The following RBFOX1 variants were observed in gnomAD, a reference collection of about 807,000 sequenced individuals.
RBFOX1 encodes the protein RNA binding protein fox-1 homolog 1.
Under a neutral mutation model 57.7 loss-of-function variants are expected in RBFOX1, and 8 were observed. That is an observed-to-expected ratio of 0.14 (90% CI 0.08 to 0.25). The LOEUF (loss-of-function observed/expected upper bound fraction) is 0.25, where lower values mean the gene tolerates loss of function less well. RBFOX1 is among the 10% of genes least tolerant of loss of function. The pLI, the probability that RBFOX1 is intolerant of heterozygous loss-of-function variation, is 1.00. For missense variants in RBFOX1, 611 were observed against 548.5 expected, an observed-to-expected ratio of 1.11 and a Z score of -1.14; for synonymous variants, 326 against 222.4, an observed-to-expected ratio of 1.47 and a Z score of -4.15.
intron 4 of RBFOX1, among the ~76,000 whole-genome samples, chr16:7,429,240 C>A (rs2098654922): frequency 6.6e-6 from 1 of 152,224 alleles, no homozygotes; most frequent in Non-Finnish European, 1.5e-5. Flanking sequence ...CTGGTCACCC[C>A]TTCCCTGCTC....
Position 6,444,027 on chromosome 16 carries a change from T to C in RBFOX1, c.-64+126970T>C, listed in dbSNP as rs561418375. 1.4e-4 allele frequency among the ~76,000 whole-genome samples: 21 copies of C among 152,280 alleles called. No homozygotes were observed. The South Asian group carries it at 3.5e-3, about 26-fold the overall frequency. ...ATATATATGTGTATATGAACAGATA[T>C]TGTATAATGTAGTGGCCCTAAGCAC... On this transcript the variant is annotated intron_variant, in intron 2 of 15. Transcript: ENST00000550418.
intron 4 of RBFOX1, among the ~76,000 whole-genome samples, chr16:7,208,661 C>A (rs536760217): frequency 1.3e-5 from 2 of 152,060 alleles, no homozygotes; most frequent in Admixed American, 6.5e-5. Context: ...CATAGCAAGA[C>A]CGTATCTCAA....
At chr16:6,371,885 A>T (rs1213272126) in intron 2 of RBFOX1, among the ~76,000 whole-genome samples, 2 of 152,224 alleles carry the variant, frequency 1.3e-5, no homozygotes, top group African/African-American at 4.8e-5. Flanking sequence ...ATCACTTGTT[A>T]TTACGAGTTA....
At chr16:5,387,362 A>G (rs1348292089) in intron 1 of RBFOX1, among the ~76,000 whole-genome samples, 1 of 152,226 alleles carries the variant, frequency 6.6e-6, no homozygotes, top group Non-Finnish European at 1.5e-5. Context: ...AAATAAGTCC[A>G]GGAGAGGCCC....
intron 4 of RBFOX1, among the ~76,000 whole-genome samples, chr16:7,053,342 C>T (rs1489057430): frequency 3.3e-5 from 5 of 152,186 alleles, no homozygotes; most frequent in African/African-American, 4.8e-5. Context: ...TGACCCTTTC[C>T]TTCATGGAAC....
intron 4 of RBFOX1, among the ~76,000 whole-genome samples, chr16:6,011,680 A>G (rs1367129106): frequency 1.3e-5 from 2 of 152,152 alleles, no homozygotes; most frequent in Admixed American, 1.3e-4. Flanking sequence ...TGCTGCTCCA[A>G]GCAGCAGCAG....
At chr16:7,254,738 T>G (rs974226306) in intron 4 of RBFOX1, among the ~76,000 whole-genome samples, 2 of 152,124 alleles carry the variant, frequency 1.3e-5, no homozygotes, top group Admixed American at 1.3e-4. Context: ...AAAACTAAAT[T>G]ATAGGCATTA....
chr16:7,203,045 C>T (rs537921768), intron 4 of RBFOX1, among the ~76,000 whole-genome samples: 2 of 152,178 alleles, frequency 1.3e-5, no homozygotes, highest in African/African-American at 4.8e-5. Context: ...CTCGGCCTCC[C>T]AAAGTGCTGG....
At chr16:6,117,421 G>A (rs577745419) in intron 1 of RBFOX1, among the ~76,000 whole-genome samples, 1 of 152,212 alleles carries the variant, frequency 6.6e-6, no homozygotes, top group Non-Finnish European at 1.5e-5. Flanking sequence ...CACCTTTCAT[G>A]GTTTGAATGG....
intron 3 of RBFOX1, among the ~76,000 whole-genome samples, chr16:6,683,763 G>C (rs529848421): frequency 6.6e-6 from 1 of 152,166 alleles, no homozygotes; most frequent in African/African-American, 2.4e-5. Context: ...CAGAGATGGA[G>C]CTTTGCGGTC....
At chr16:6,763,789 C>T (rs958754616) in intron 3 of RBFOX1, among the ~76,000 whole-genome samples, 2 of 152,224 alleles carry the variant, frequency 1.3e-5, no homozygotes, top group African/African-American at 4.8e-5. Flanking sequence ...TAAATGTGTT[C>T]ACACTGAAAC....
intron 4 of RBFOX1, among the ~76,000 whole-genome samples, chr16:7,181,951 G>T (rs1422899955): frequency 6.6e-6 from 1 of 152,180 alleles, no homozygotes. Context: ...ATACAGGAAG[G>T]AAAAGGGTTA....
intron 1 of RBFOX1, among the ~76,000 whole-genome samples, chr16:5,441,115 T>G (rs1597079031): frequency 6.6e-6 from 1 of 152,194 alleles, no homozygotes; most frequent in Non-Finnish European, 1.5e-5. Flanking sequence ...TTTGGACTAG[T>G]CTGGCTGTGC....
chr16:6,673,444 CG>C (rs2098780422), intron 3 of RBFOX1, among the ~76,000 whole-genome samples: 1 of 152,008 alleles, frequency 6.6e-6, no homozygotes, highest in Non-Finnish European at 1.5e-5. Flanking sequence ...AAAAATTAGT[CG>C]GGCCTGGTGG....
chr16:7,487,620 T>G (rs2065767581), intron 4 of RBFOX1, among the ~76,000 whole-genome samples: 1 of 152,186 alleles, frequency 6.6e-6, no homozygotes, highest in Non-Finnish European at 1.5e-5. Flanking sequence ...TATCCACTCC[T>G]GCACCTGTTC....
At chr16:7,688,873 A>G (rs2147255205) in intron 14 of RBFOX1, among the ~76,000 whole-genome samples, 1 of 152,162 alleles carries the variant, frequency 6.6e-6, no homozygotes, top group Non-Finnish European at 1.5e-5. Context: ...CTTAGAGGAA[A>G]TGAAGATTCA....
chr16:5,787,408 T>G (rs2054541215), intron 3 of RBFOX1, among the ~76,000 whole-genome samples: 1 of 152,188 alleles, frequency 6.6e-6, no homozygotes, highest in African/African-American at 2.4e-5. Flanking sequence ...AGGACATCCA[T>G]TGTAAGCCTC....
At chr16:7,611,231 G>A (rs1195050899) in intron 10 of RBFOX1, among the ~76,000 whole-genome samples, 1 of 152,078 alleles carries the variant, frequency 6.6e-6, no homozygotes, top group Non-Finnish European at 1.5e-5. Context: ...CTCTCCTAAA[G>A]GTAATTTTCT....
intron 4 of RBFOX1, among the ~76,000 whole-genome samples, chr16:5,930,450 T>C (rs1305687423): frequency 5.5e-5 from 1 of 18,058 alleles, no homozygotes; most frequent in Admixed American, 7.2e-4. Context: ...GGAAGCATGG[T>C]TGGGTGGGTG....
Sources: gnomAD v4.1 joint callset for allele counts (sites outside exome capture counted in the v4.1 genomes callset) on GRCh38, gnomAD v4.1.1 for gene constraint, MANE v1.5 for transcripts, NCBI Gene and HGNC (gene_info 2026-07-23, HGNC 2026-07-21) for gene names.